SYT1: variants seen among roughly 807,000 people sequenced by gnomAD.
The protein encoded by SYT1 is synaptotagmin-1.
Under a neutral mutation model 44.8 loss-of-function variants are expected in SYT1, and 8 were observed. The observed-to-expected ratio is 0.18, with a 90% CI of 0.10 to 0.32. SYT1 has a LOEUF of 0.32. Among genes scored for constraint, SYT1 ranks in the 10% least tolerant of loss-of-function variants. The pLI is 1.00. For missense variants in SYT1, 286 were observed against 509.3 expected, an observed-to-expected ratio of 0.56 and a Z score of 4.22; for synonymous variants, 154 against 188.8, an observed-to-expected ratio of 0.82 and a Z score of 1.51.
At chr12:79,282,152 T>C (rs972212398) in intron 4 of SYT1, among the ~76,000 whole-genome samples, 3 of 152,152 alleles carry the variant, frequency 2.0e-5, no homozygotes, top group Non-Finnish European at 2.9e-5. Flanking sequence ...TCAGGATAAT[T>C]TCCCCATCTC....
At chr12:79,299,607 C>T in intron 8 of SYT1, 56 bp downstream of exon 8, 1 of 1,570,566 alleles carries the variant, frequency 6.4e-7, no homozygotes, top group South Asian at 1.2e-5. Context: ...AGTTGCTGCT[C>T]ATATAATAAC....
chr12:79,449,330 CTCT>C lies in SYT1; in HGVS notation c.*211_*213del. ...ATCATACCACTGCCCTCCAAATCTA[CTCT>C]TCTTTTAAGCAATATGATGTGTAGA... On this transcript the variant is annotated 3_prime_UTR_variant, in exon 11 of 11. Transcript: ENST00000261205. The C allele has an allele frequency of 1.7e-6, 1 of 576,684 alleles. No homozygotes were observed. Among genetic ancestry groups the C allele is most frequent in the Non-Finnish European group, 3.1e-6 (1 of 326,048 alleles). 35.7% of individuals were successfully genotyped at this position (576,684 alleles called of 1,614,324 possible).
At chr12:79,242,936 G>T (rs1876599308) in intron 4 of SYT1, among the ~76,000 whole-genome samples, 1 of 152,160 alleles carries the variant, frequency 6.6e-6, no homozygotes, top group African/African-American at 2.4e-5. Flanking sequence ...ATAAAGAAAA[G>T]GAGATTTAAT....
intron 3 of SYT1, among the ~76,000 whole-genome samples, chr12:79,051,901 A>G (rs1269257951): frequency 6.6e-6 from 1 of 152,082 alleles, no homozygotes; most frequent in Non-Finnish European, 1.5e-5. Context: ...TTGTTTTGGT[A>G]CCAGTACCCT....
chr12:79,383,714 G>A (rs2136077936), intron 9 of SYT1, among the ~76,000 whole-genome samples: 1 of 152,174 alleles, frequency 6.6e-6, no homozygotes, highest in Non-Finnish European at 1.5e-5. Flanking sequence ...TATAGGGAGT[G>A]AATCCCTAGA....
intron 2 of SYT1, among the ~76,000 whole-genome samples, chr12:78,990,042 A>G (rs575665818): frequency 6.6e-6 from 1 of 152,260 alleles, no homozygotes; most frequent in South Asian, 2.1e-4. Context: ...AGAGCTTAGA[A>G]CATTCACAGG....
intron 1 of SYT1, among the ~76,000 whole-genome samples, chr12:78,958,246 C>T (rs1392737981): frequency 1.3e-5 from 2 of 152,142 alleles, no homozygotes; most frequent in African/African-American, 4.8e-5. Flanking sequence ...TCAATAAACA[C>T]TTCAAATTTC....
rs1245667 is a variant in SYT1, at chr12:79,450,681, T to C, written c.*1557T>C. 0.092 allele frequency: 14,067 copies of C among 152,680 alleles called. 2,214 individuals carry two copies. The highest frequency in any genetic ancestry group is 0.32 in the African/African-American group (13,288 of 41,480). The allele number at this position is 152,680 out of a possible 1,614,324, so 9.5% of individuals were successfully genotyped here. A position where few individuals can be genotyped will look rare whatever the true frequency, so the allele number is the denominator to read the frequency against. On this transcript the variant is annotated 3_prime_UTR_variant, in exon 11 of 11. Coordinates refer to ENST00000261205, the MANE Select transcript of SYT1 (RefSeq NM_005639.3). ...TAACAATACTGCCATTCCCTTCTAC[T>C]GCACTGCCCAAGGTGTGTGTAGCAC...
intron 3 of SYT1, among the ~76,000 whole-genome samples, chr12:79,203,379 G>T (rs1880870): frequency 0.77 from 116,671 of 152,090 alleles, 45,808 homozygotes; most frequent in African/African-American, 0.94. Flanking sequence ...AGGTACCACA[G>T]GCAAACACAT....
At chr12:78,911,709 G>A (rs1446787615) in intron 1 of SYT1, among the ~76,000 whole-genome samples, 2 of 151,964 alleles carry the variant, frequency 1.3e-5, no homozygotes, top group Non-Finnish European at 2.9e-5. Flanking sequence ...GTGGGGTGAG[G>A]AGATAAGTAA....
At chr12:79,228,035 ATT>A (rs34646036) in intron 4 of SYT1, among the ~76,000 whole-genome samples, 20 of 140,476 alleles carry the variant, frequency 1.4e-4, no homozygotes, top group African/African-American at 2.4e-4. Context: ...CCTCTCCTCC[ATT>A]TTTTTTTTTT....
chr12:79,117,694 T>A lies in SYT1; in HGVS notation c.-18+70332T>A, dbSNP rs1220783454. The stretch of plus-strand genomic sequence containing the variant: ...ATATATATATATATATATATATATA[T>A]ATATATATATATATATATATAAAAT... On this transcript the variant is annotated intron_variant, in intron 3 of 10. Transcript: ENST00000261205. Among the ~76,000 whole-genome samples the A allele has an allele frequency of 4.7e-4, 40 of 84,572 alleles. 1 individual carries two copies. Among genetic ancestry groups the A allele is most frequent in the African/African-American group, 1.8e-3 (38 of 21,648 alleles). The allele number at this position is 84,572 out of a possible 152,430, so 55.5% of individuals were successfully genotyped here.
chr12:79,328,718 C>T (rs577066908), intron 8 of SYT1, among the ~76,000 whole-genome samples: 54 of 152,042 alleles, frequency 3.6e-4, no homozygotes, highest in Non-Finnish European at 7.5e-4. Context: ...TGGTGGCAGG[C>T]ACCTGCAGTC....
At chr12:78,944,107 A>G (rs565079027) in intron 1 of SYT1, among the ~76,000 whole-genome samples, 1 of 152,096 alleles carries the variant, frequency 6.6e-6, no homozygotes, top group African/African-American at 2.4e-5. Context: ...TCTTATAAAG[A>G]TTTCAGAATT....
chr12:79,143,313 T>C (rs924605211), intron 3 of SYT1, among the ~76,000 whole-genome samples: 2 of 152,228 alleles, frequency 1.3e-5, no homozygotes, highest in Non-Finnish European at 2.9e-5. Flanking sequence ...TTTTCATGTG[T>C]ATAGTACAAC....
intron 4 of SYT1, among the ~76,000 whole-genome samples, chr12:79,264,469 T>G (rs943454658): frequency 6.6e-6 from 1 of 152,236 alleles, no homozygotes; most frequent in East Asian, 1.9e-4. Flanking sequence ...TAATAAAAGT[T>G]GAACTCAAGG....
At chr12:78,909,866 C>T (rs1178028164) in intron 1 of SYT1, among the ~76,000 whole-genome samples, 1 of 151,914 alleles carries the variant, frequency 6.6e-6, no homozygotes, top group Non-Finnish European at 1.5e-5. Context: ...AAGTACCACC[C>T]ACAACAGGTT....
chr12:79,153,572 G>T (rs57652249), intron 3 of SYT1, among the ~76,000 whole-genome samples: 3 of 152,022 alleles, frequency 2.0e-5, no homozygotes, highest in Non-Finnish European at 2.9e-5. Flanking sequence ...AATGCATTTT[G>T]TATGTAAATT....
chr12:79,053,080 C>T (rs888485147), intron 3 of SYT1, among the ~76,000 whole-genome samples: 1 of 152,100 alleles, frequency 6.6e-6, no homozygotes, highest in African/African-American at 2.4e-5. Context: ...CGGCACTATT[C>T]ACAATAGCAA....
Sources: gnomAD v4.1 joint callset for allele counts (sites outside exome capture counted in the v4.1 genomes callset) on GRCh38, gnomAD v4.1.1 for gene constraint, MANE v1.5 for transcripts, NCBI Gene and HGNC (gene_info 2026-07-23, HGNC 2026-07-21) for gene names.